Variants in SFMBT2 observed in about 807,000 individuals in gnomAD.
The protein encoded by SFMBT2 is scm-like with four MBT domains protein 2.
A neutral mutation model predicts 110.1 loss-of-function variants in SFMBT2; 38 were observed. That is an observed-to-expected ratio of 0.35 (90% confidence interval 0.27 to 0.45). The LOEUF is 0.45. SFMBT2 is among the 20% of genes least tolerant of loss of function. SFMBT2 has a pLI of 1.00. For synonymous variants in SFMBT2, 425 were observed against 425.4 expected (o/e 1.00, Z 0.01); for missense variants, 1,011 against 1,094.9 (o/e 0.92, Z 1.08).
At chr10:7,199,019 C>T (rs966903044) in intron 14 of SFMBT2, among the ~76,000 whole-genome samples, 6 of 152,146 alleles carry the variant, frequency 3.9e-5, no homozygotes, top group Non-Finnish European at 8.8e-5. Context: ...CACTTTGTTG[C>T]CCAGGCTGGA....
At position 7,205,870 on chromosome 10, in the gene SFMBT2, T is replaced by G. The variant is rs1474550763; in HGVS notation, c.1389A>C (p.Pro463=). 1.2e-6 allele frequency: 2 copies of G among 1,614,138 alleles called. No homozygotes were observed. Among genetic ancestry groups the G allele is most frequent in the South Asian group, 1.1e-5 (1 of 91,082 alleles). Residue 463 remains proline (P), a synonymous_variant, in exon 12 of 21, where the codon CCA becomes CCC. Coordinates refer to ENST00000397167, the MANE Select transcript of SFMBT2 (RefSeq NM_001387889.1). ...AAGAATTGGCTTCACACCAGCCCAC[T>G]GGGAAGATGTCCATGGATTCCACAT... The part of the protein sequence containing the change: ...IVDVESMDIF[P]VGWCEANSYP...
At chr10:7,315,061 A>AAAGG (rs1491265941) in intron 4 of SFMBT2, among the ~76,000 whole-genome samples, 23 of 139,852 alleles carry the variant, frequency 1.6e-4, no homozygotes, top group South Asian at 6.7e-4. Context: ...AGAAAGAAAG[A>AAAGG]AAGAAAGAAA....
intron 11 of SFMBT2, chr10:7,214,821 C>A (rs1839479299): frequency 1.1e-6 from 1 of 908,626 alleles, no homozygotes; most frequent in African/African-American, 1.8e-5. Context: ...AAAACACTAA[C>A]TGCAGATTCC....
chr10:7,404,248 A>C (rs918579461), intron 1 of SFMBT2, among the ~76,000 whole-genome samples: 1 of 152,244 alleles, frequency 6.6e-6, no homozygotes, highest in Non-Finnish European at 1.5e-5. Flanking sequence ...GTGCTCATTT[A>C]AGTTATACCT....
intron 4 of SFMBT2, among the ~76,000 whole-genome samples, chr10:7,353,204 G>T (rs1352403366): frequency 6.6e-6 from 1 of 151,898 alleles, no homozygotes; most frequent in Non-Finnish European, 1.5e-5. Flanking sequence ...AAAACACCAG[G>T]CACAGAATAG....
At chr10:7,319,842 CAG>C (rs1466847969) in intron 4 of SFMBT2, among the ~76,000 whole-genome samples, 2 of 113,266 alleles carry the variant, frequency 1.8e-5, no homozygotes, top group South Asian at 2.9e-4. Flanking sequence ...GAGAGGAAGA[CAG>C]AGAGACAGAG....
At position 7,281,138 on chromosome 10, in the gene SFMBT2, T is replaced by A. The variant is rs1841939392; in HGVS notation, c.772+2766A>T. Among the ~76,000 whole-genome samples the A allele has an allele frequency of 1.3e-5, 2 of 152,092 alleles. 1 individual carries two copies. Among genetic ancestry groups the A allele is most frequent in the South Asian group, 4.2e-4 (2 of 4,818 alleles). On this transcript the variant is annotated intron_variant, in intron 6 of 20. Transcript: ENST00000397167. ...GCACATGCCTGTAGTTCCAGCCACT[T>A]GGGAAGCTGCGATGGGAAGATCACT...
At chr10:7,201,613 C>G (rs577833316) in intron 13 of SFMBT2, among the ~76,000 whole-genome samples, 1 of 152,216 alleles carries the variant, frequency 6.6e-6, no homozygotes, top group Non-Finnish European at 1.5e-5. Context: ...AACTCGACTA[C>G]CGCAAGTGAA....
chr10:7,255,614 T>C (rs1221538768), intron 7 of SFMBT2, among the ~76,000 whole-genome samples: 1 of 152,226 alleles, frequency 6.6e-6, no homozygotes. Context: ...CACAGGCTAC[T>C]GTGGCAATGT....
rs61836741 is a variant in SFMBT2, at chr10:7,172,875, T to G, written c.1985-214A>C. Reference sequence around the variant, plus strand: ...GGCTGAACTTGGCCCGTCCCCAGTGTTGAAGCCCAAACCCCCAAAGTGAGT... The same window carrying G: ...GGCTGAACTTGGCCCGTCCCCAGTGGTGAAGCCCAAACCCCCAAAGTGAGT... On this transcript the variant is annotated intron_variant, in intron 17 of 20. Coordinates refer to ENST00000397167, the MANE Select transcript of SFMBT2 (RefSeq NM_001387889.1). This position sits in a 1 kb window ranked among gnomAD's most constrained non-coding sequence, Gnocchi z 4.6. Among the ~76,000 whole-genome samples the G allele has an allele frequency of 4.2e-3, 643 of 152,268 alleles. 2 individuals carry two copies. The highest frequency in any genetic ancestry group is 5.7e-3 in the Non-Finnish European group (390 of 68,020).
chr10:7,279,195 GC>G (rs1416305875), intron 6 of SFMBT2, among the ~76,000 whole-genome samples: 1 of 150,698 alleles, frequency 6.6e-6, no homozygotes, highest in Non-Finnish European at 1.5e-5. Flanking sequence ...GGATGCTCTG[GC>G]CCCAGTGGGG....
chr10:7,344,372 G>A (rs1359273265), intron 4 of SFMBT2, among the ~76,000 whole-genome samples: 1 of 152,150 alleles, frequency 6.6e-6, no homozygotes, highest in Non-Finnish European at 1.5e-5. Flanking sequence ...TATCCTGATA[G>A]TGAGTAAGTC....
At chr10:7,214,022 C>A (rs1343140475) in intron 11 of SFMBT2, among the ~76,000 whole-genome samples, 1 of 149,774 alleles carries the variant, frequency 6.7e-6, no homozygotes, top group Admixed American at 6.7e-5. Flanking sequence ...GCCAGCCCTG[C>A]CACCCCAGGA....
chr10:7,207,326 C>G (rs923125419), intron 11 of SFMBT2, among the ~76,000 whole-genome samples: 3 of 149,326 alleles, frequency 2.0e-5, no homozygotes, highest in African/African-American at 7.4e-5. Flanking sequence ...CACTATTGTA[C>G]TCTGGCCTAA....
chr10:7,265,597 GAA>G (rs1841360617), intron 7 of SFMBT2, among the ~76,000 whole-genome samples: 1 of 152,216 alleles, frequency 6.6e-6, no homozygotes. Context: ...TCTTAGCAAA[GAA>G]CTGAGCTGGG....
At chr10:7,239,916 C>T (rs1840381007) in intron 9 of SFMBT2, among the ~76,000 whole-genome samples, 1 of 151,298 alleles carries the variant, frequency 6.6e-6, no homozygotes, top group South Asian at 2.1e-4. Flanking sequence ...CCCCTGCACC[C>T]CTGCACCAGG....
intron 4 of SFMBT2, among the ~76,000 whole-genome samples, chr10:7,312,910 C>A (rs1053901945): frequency 6.6e-6 from 1 of 152,118 alleles, no homozygotes; most frequent in Non-Finnish European, 1.5e-5. Flanking sequence ...GACAGATTTT[C>A]TGGGATTGGG....
chr10:7,387,243 G>A (rs1015952395), intron 1 of SFMBT2, among the ~76,000 whole-genome samples: 3 of 152,164 alleles, frequency 2.0e-5, no homozygotes, highest in African/African-American at 4.8e-5. Context: ...AGAGCTTACA[G>A]TAAACTTTTC....
At chr10:7,375,107 G>A (rs1269771786) in intron 2 of SFMBT2, among the ~76,000 whole-genome samples, 1 of 152,182 alleles carries the variant, frequency 6.6e-6, no homozygotes, top group Non-Finnish European at 1.5e-5. Flanking sequence ...AAGCTACGAA[G>A]AAAATTTCAC....
Sources: allele counts gnomAD v4.1 joint callset (sites outside exome capture counted in the v4.1 genomes callset), GRCh38; gene constraint gnomAD v4.1.1; non-coding constraint Gnocchi (gnomAD v3.1); transcripts MANE v1.5; gene names NCBI Gene and HGNC (gene_info 2026-07-23, HGNC 2026-07-21).